Variants in TMEM176B observed in about 807,000 individuals in gnomAD.
TMEM176B encodes transmembrane protein 176B, also known as LR8-like protein.
In TMEM176B, 28 loss-of-function variants were observed where a neutral mutation model predicts 30.3. The observed-to-expected ratio is 0.92, with a 90% CI of 0.68 to 1.27. The LOEUF is 1.27. Ranked by LOEUF, TMEM176B falls within the 50% of genes most tolerant of loss-of-function variation. The pLI is 0.00. For synonymous variants in TMEM176B, 123 were observed against 130.3 expected, an observed-to-expected ratio of 0.94 and a Z score of 0.38; for missense variants, 349 against 327.4, an observed-to-expected ratio of 1.07 and a Z score of -0.51.
chr7:150,794,360 C>G (rs528144403), intron 2 of TMEM176B, among the ~76,000 whole-genome samples: 4 of 151,940 alleles, frequency 2.6e-5, no homozygotes, highest in Non-Finnish European at 2.9e-5. Flanking sequence ...TTTCCCCCCC[C>G]ATTCTCCTTC....
chr7:150,799,459 T>C (rs1798674230), intron 1 of TMEM176B, among the ~76,000 whole-genome samples: 1 of 152,274 alleles, frequency 6.6e-6, no homozygotes, highest in African/African-American at 2.4e-5. Flanking sequence ...TAGAATCAGC[T>C]TGCCTGGCTC....
intron 4 of TMEM176B, 105 bp downstream of exon 4, chr7:150,793,439 G>C: frequency 6.5e-7 from 1 of 1,529,828 alleles, no homozygotes; most frequent in East Asian, 2.4e-5. Flanking sequence ...TCCCCTCCAA[G>C]AAAGACCCCA....
rs1798538542 is a variant in TMEM176B, at chr7:150,796,608, G to A, written c.-5-34C>T. 7.5e-6 allele frequency: 12 copies of A among 1,605,638 alleles called. No individual in the cohort carries two copies. The East Asian group carries it at 2.5e-4, about 33-fold the overall frequency. On this transcript the variant is annotated intron_variant, in intron 1 of 6. Coordinates refer to ENST00000326442, the MANE Select transcript of TMEM176B (RefSeq NM_001101312.2). The stretch of plus-strand genomic sequence containing the variant: ...GAGAAGACATATAGCAGTGAGGTCT[G>A]GGAACTAGGCGAGGGAAAAATACAC...
chr7:150,798,497 G>C (rs1387431652), intron 1 of TMEM176B, among the ~76,000 whole-genome samples: 3 of 152,076 alleles, frequency 2.0e-5, no homozygotes, highest in Non-Finnish European at 4.4e-5. Flanking sequence ...GGATGGTCTC[G>C]ATCTCCTGAC....
chr7:150,800,921 C>A (rs1451576639), upstream of TMEM176B: 1 of 985,462 alleles, frequency 1.0e-6, no homozygotes, highest in African/African-American at 1.7e-5. Context: ...TAGGAGGGAC[C>A]CCCACCCAGG....
In TMEM176B at chr7:150,796,415, T is replaced by A. The variant is rs140393291; in HGVS notation, c.155A>T (p.Asp52Val). The A allele has an allele frequency of 8.1e-4, 1,315 of 1,614,112 alleles. 3 individuals are homozygous for A. The highest frequency in any genetic ancestry group is 9.5e-4 in the Non-Finnish European group (1,121 of 1,180,028). ...SLKKFLFHPG[D>V]TVPSTARIGY... ...AATCCTGGCTGTGGAAGGCACAGTG[T>A]CCCCAGGGTGAAAAAGAAACTTCTT... The change falls in exon 2 of 7, where the codon GAC becomes GTC. Residue 52 changes from aspartate to valine, a missense_variant. Physicochemically the swap from Asp to Val is radical, Grantham distance 152. Coordinates refer to ENST00000326442, the MANE Select transcript of TMEM176B (RefSeq NM_001101312.2).
intron 2 of TMEM176B, 88 bp from the exon 3 acceptor site, chr7:150,794,159 G>A (rs370550532): frequency 3.1e-5 from 29 of 935,286 alleles, no homozygotes; most frequent in East Asian, 1.0e-4. Flanking sequence ...TCCTACCTAG[G>A]TGGCTCTCCT....
chr7:150,800,391 G>A (rs1798731010), upstream of TMEM176B: 1 of 152,220 alleles, frequency 6.6e-6, no homozygotes, highest in African/African-American at 2.4e-5. Flanking sequence ...CAGATGCACG[G>A]GTGGGGGCTG....
intron 1 of TMEM176B, among the ~76,000 whole-genome samples, chr7:150,797,670 C>T (rs1471761953): frequency 6.6e-6 from 1 of 152,136 alleles, no homozygotes; most frequent in African/African-American, 2.4e-5. Context: ...AGGTTATTTA[C>T]GCATGAGAAC....
rs762948909 is a variant in TMEM176B at position 150,796,410 on chromosome 7, C to G, written c.160G>C (p.Val54Leu). Residue 54 changes from valine (V) to leucine (L), a missense_variant, in exon 2 of 7, where the codon GTG becomes CTG. By Grantham distance (32) the Val-to-Leu change is conservative (BLOSUM62 1). Coordinates refer to ENST00000326442, the MANE Select transcript of TMEM176B (RefSeq NM_001101312.2). Reference sequence around the variant, plus strand: ...TAACCAATCCTGGCTGTGGAAGGCACAGTGTCCCCAGGGTGAAAAAGAAAC... The same window carrying G: ...TAACCAATCCTGGCTGTGGAAGGCAGAGTGTCCCCAGGGTGAAAAAGAAAC... ...KKFLFHPGDT[V>L]PSTARIGYEQ... 9 of 1,614,092 alleles carry G rather than the reference C, an allele frequency of 5.6e-6. No individual in the cohort carries two copies.
intron 5 of TMEM176B, among the ~76,000 whole-genome samples, chr7:150,792,682 T>G (rs1414635322): frequency 1.3e-5 from 2 of 152,180 alleles, no homozygotes; most frequent in Admixed American, 6.5e-5. Flanking sequence ...CCCATCTGAC[T>G]GTAACTGCAT....
In TMEM176B at chr7:150,792,099, C is replaced by T. The variant is rs1798336515; in HGVS notation, c.677G>A (p.Gly226Glu). The T allele has an allele frequency of 1.9e-6, 3 of 1,613,866 alleles. No homozygotes were observed. The highest frequency in any genetic ancestry group is 2.5e-6 in the Non-Finnish European group (3 of 1,179,976). ...LKVIVSLVSL[G>E]VGLRNLCGQS... Reference sequence around the variant, plus strand: ...GCCACACAAGTTTCGAAGACCTACTCCCAAGGAAACCAAGGACACAATGAC... The same window carrying T: ...GCCACACAAGTTTCGAAGACCTACTTCCAAGGAAACCAAGGACACAATGAC... The change falls in exon 6 of 7, where the codon GGA becomes GAA. Residue 226 changes from glycine to glutamate, a missense_variant. Physicochemically the swap from Gly to Glu is moderately conservative, Grantham distance 98. Transcript: ENST00000326442.
Position 150,792,076 on chromosome 7 carries a change from C to T in TMEM176B, c.700G>A (p.Gly234Ser). The T allele has an allele frequency of 6.2e-7, 1 of 1,613,838 alleles. No individual in the cohort carries two copies. The highest frequency in any genetic ancestry group is 8.5e-7 in the Non-Finnish European group (1 of 1,179,918). The change falls in exon 6 of 7, where the codon GGC (glycine) becomes AGC (serine). Residue 234 changes from glycine to serine, a missense_variant. Physicochemically the swap from Gly to Ser is moderately conservative, Grantham distance 56. Transcript: ENST00000326442. ...CTCACCAGGGGCTGGGAGCTCTGGC[C>T]ACACAAGTTTCGAAGACCTACTCCC... is the stretch of plus-strand genomic sequence containing the variant. ...SLGVGLRNLC[G>S]QSSQPLNEEG...
chr7:150,796,802 T>C (rs1455550418), intron 1 of TMEM176B: 4 of 505,416 alleles, frequency 7.9e-6, no homozygotes, highest in African/African-American at 1.9e-5. Context: ...CTACTAAAAA[T>C]ACAAAAATCC....
At chr7:150,794,939 ACACACACACC>A (rs765941968) in intron 2 of TMEM176B, among the ~76,000 whole-genome samples, 9 of 149,122 alleles carry the variant, frequency 6.0e-5, no homozygotes, top group Non-Finnish European at 1.0e-4. Context: ...ACACACACAC[ACACACACACC>A]TCTCGAATGG....
At chr7:150,792,210 T>A (rs1798343051) in intron 5 of TMEM176B, 35 bp from the exon 6 acceptor site, 2 of 1,609,216 alleles carry the variant, frequency 1.2e-6, no homozygotes, top group East Asian at 4.5e-5. Flanking sequence ...TAGTCAGGTG[T>A]CAGCTACTCC....
chr7:150,793,635 ACTCTTCTGAATTGGTCTATCATCACC>A (rs1049888064), intron 3 of TMEM176B, 35 bp from the exon 4 acceptor site: 2 of 1,606,326 alleles, frequency 1.2e-6, no homozygotes, highest in Middle Eastern at 1.6e-4. Flanking sequence ...CCTCCAGTTT[ACTCTTCTGAATTGGTCTATCATCACC>A]CTCCCACCAG....
chr7:150,794,937 ACACACACACACC>A (rs1199858860), intron 2 of TMEM176B, among the ~76,000 whole-genome samples: 8 of 150,730 alleles, frequency 5.3e-5, no homozygotes, highest in Non-Finnish European at 7.4e-5. Context: ...ACACACACAC[ACACACACACACC>A]TCTCGAATGG....
At chr7:150,793,486 G>C (rs553853534) in intron 4 of TMEM176B, 58 bp downstream of exon 4, 2 of 1,594,310 alleles carry the variant, frequency 1.3e-6, no homozygotes, top group East Asian at 4.5e-5. Flanking sequence ...ACAGATAATG[G>C]AGCAGAATTC....
Sources: allele counts gnomAD v4.1 joint callset (sites outside exome capture counted in the v4.1 genomes callset), GRCh38; gene constraint gnomAD v4.1.1; transcripts MANE v1.5; gene names NCBI Gene and HGNC (gene_info 2026-07-23, HGNC 2026-07-21).